ACOXL: variants seen among roughly 807,000 people sequenced by gnomAD.
The protein encoded by ACOXL is acyl-coenzyme A oxidase-like protein.
In ACOXL, 70 loss-of-function variants were observed where a neutral mutation model predicts 71.9. The observed-to-expected ratio is 0.97, with a 90% CI of 0.80 to 1.19. ACOXL has a LOEUF of 1.19. ACOXL is among the 50% of genes most tolerant of loss of function. ACOXL has a pLI of 0.00. For synonymous variants in ACOXL, 253 were observed against 281.6 expected, an observed-to-expected ratio of 0.90 and a Z score of 1.02; for missense variants, 703 against 736.3, an observed-to-expected ratio of 0.95 and a Z score of 0.52.
intron 1 of ACOXL, among the ~76,000 whole-genome samples, chr2:110,744,139 G>A (rs1438845201): frequency 6.6e-6 from 1 of 152,218 alleles, no homozygotes; most frequent in Admixed American, 6.5e-5. Flanking sequence ...GAAAGAGAGA[G>A]AGAAGAGAGA....
intron 17 of ACOXL, among the ~76,000 whole-genome samples, chr2:111,106,950 G>C (rs62163306): frequency 0.026 from 4,005 of 152,268 alleles, 76 homozygotes; most frequent in Non-Finnish European, 0.038. Flanking sequence ...ACTAAGTCTT[G>C]ACTCCCACTA....
intron 10 of ACOXL, among the ~76,000 whole-genome samples, chr2:110,861,041 C>T (rs571452224): frequency 1.3e-5 from 2 of 152,292 alleles, no homozygotes; most frequent in South Asian, 2.1e-4. Context: ...AGCTGAGGCA[C>T]GAGAGTCACC....
intron 16 of ACOXL, among the ~76,000 whole-genome samples, chr2:111,051,372 G>A (rs2066281365): frequency 1.3e-5 from 2 of 152,156 alleles, no homozygotes; most frequent in Non-Finnish European, 2.9e-5. Flanking sequence ...TTGCTCTAGT[G>A]AGCTATCCAC....
chr2:110,966,932 C>A (rs979871724), intron 12 of ACOXL, among the ~76,000 whole-genome samples: 1 of 152,186 alleles, frequency 6.6e-6, no homozygotes, highest in Non-Finnish European at 1.5e-5. Context: ...CCATCAGGAC[C>A]TTTTGCTACC....
chr2:110,961,365 C>T (rs1429858606), intron 12 of ACOXL, among the ~76,000 whole-genome samples: 1 of 152,178 alleles, frequency 6.6e-6, no homozygotes, highest in African/African-American at 2.4e-5. Flanking sequence ...TCCCAGAACT[C>T]CATTGCCTGT....
intron 9 of ACOXL, among the ~76,000 whole-genome samples, chr2:110,808,436 C>G (rs1204218873): frequency 2.6e-5 from 4 of 152,050 alleles, no homozygotes; most frequent in Non-Finnish European, 5.9e-5. Context: ...TCCTTGAGAC[C>G]CCTGCACAGA....
At chr2:111,050,829 C>T (rs1006695213) in intron 16 of ACOXL, among the ~76,000 whole-genome samples, 1 of 152,218 alleles carries the variant, frequency 6.6e-6, no homozygotes, top group Non-Finnish European at 1.5e-5. Flanking sequence ...AGTTTCTTCA[C>T]ATCTAGAGTG....
At chr2:111,035,631 A>G (rs569536717) in intron 15 of ACOXL, among the ~76,000 whole-genome samples, 1 of 152,346 alleles carries the variant, frequency 6.6e-6, no homozygotes, top group South Asian at 2.1e-4. Flanking sequence ...AATAATTTAG[A>G]ATGTTCATAT....
At chr2:110,766,478 A>G (rs939584428) in intron 1 of ACOXL, among the ~76,000 whole-genome samples, 2 of 152,124 alleles carry the variant, frequency 1.3e-5, no homozygotes, top group Admixed American at 1.3e-4. Context: ...ATGTGAGATC[A>G]TCCCCTCCCC....
chr2:110,756,238 T>C (rs1573360613), intron 1 of ACOXL, among the ~76,000 whole-genome samples: 1 of 152,264 alleles, frequency 6.6e-6, no homozygotes, highest in East Asian at 1.9e-4. Flanking sequence ...GTGATTCTCC[T>C]GTCTCAGCCT....
At chr2:110,972,139 A>G (rs1253295793) in intron 12 of ACOXL, among the ~76,000 whole-genome samples, 2 of 152,166 alleles carry the variant, frequency 1.3e-5, no homozygotes, top group African/African-American at 4.8e-5. Context: ...TGAAATGAGG[A>G]ACTCTGAACC....
At chr2:110,735,198 A>G (rs1676680449) in intron 1 of ACOXL, among the ~76,000 whole-genome samples, 1 of 152,208 alleles carries the variant, frequency 6.6e-6, no homozygotes, top group African/African-American at 2.4e-5. Context: ...ATATTGTACT[A>G]TCAGATTTTA....
At chr2:110,949,426 G>T (rs1389293657) in intron 12 of ACOXL, among the ~76,000 whole-genome samples, 1 of 152,118 alleles carries the variant, frequency 6.6e-6, no homozygotes, top group Non-Finnish European at 1.5e-5. Context: ...TCTCTGGAAG[G>T]GTTGAGAGCC....
chr2:110,979,668 T>C (rs967947790), intron 12 of ACOXL, among the ~76,000 whole-genome samples: 2 of 152,008 alleles, frequency 1.3e-5, no homozygotes, highest in African/African-American at 4.8e-5. Context: ...CTTTATACCA[T>C]GTGCATGGGA....
At chr2:110,757,091 C>T (rs918908508) in intron 1 of ACOXL, among the ~76,000 whole-genome samples, 3 of 152,150 alleles carry the variant, frequency 2.0e-5, no homozygotes, top group Non-Finnish European at 4.4e-5. Context: ...ATGTTGTTCT[C>T]ACCATGTATC....
chr2:111,078,377 C>A (rs1483939295), intron 16 of ACOXL, among the ~76,000 whole-genome samples: 2 of 152,074 alleles, frequency 1.3e-5, no homozygotes, highest in African/African-American at 4.8e-5. Flanking sequence ...CAATCTCATG[C>A]CTCAGCCTCC....
At chr2:110,826,625 T>C (rs1689187822) in intron 9 of ACOXL, among the ~76,000 whole-genome samples, 1 of 152,220 alleles carries the variant, frequency 6.6e-6, no homozygotes, top group Non-Finnish European at 1.5e-5. Context: ...ACTTTGTTGT[T>C]GGTGGCCATT....
intron 11 of ACOXL, among the ~76,000 whole-genome samples, chr2:110,912,245 T>C (rs2059676620): frequency 6.6e-6 from 1 of 152,092 alleles, no homozygotes; most frequent in African/African-American, 2.4e-5. Context: ...AGAAACCTGA[T>C]CTTTTTAGAA....
At chr2:110,872,120 C>T (rs1440727068) in intron 10 of ACOXL, among the ~76,000 whole-genome samples, 2 of 152,220 alleles carry the variant, frequency 1.3e-5, no homozygotes, top group African/African-American at 2.4e-5. Flanking sequence ...CCTTTAGGGC[C>T]TCTCTGCTGG....
Sources: gnomAD v4.1 joint callset for allele counts (sites outside exome capture counted in the v4.1 genomes callset) on GRCh38, gnomAD v4.1.1 for gene constraint, MANE v1.5 for transcripts, NCBI Gene and HGNC (gene_info 2026-07-23, HGNC 2026-07-21) for gene names.